The following CHD6 variants were observed in gnomAD, a reference collection of about 807,000 sequenced individuals.
CHD6 encodes the protein chromodomain helicase DNA binding protein 6, also known as ATP-dependent chromatin remodeler CHD6.
In CHD6, 50 loss-of-function variants were observed where a neutral mutation model predicts 276.9. That is an observed-to-expected ratio of 0.18 (90% CI 0.14 to 0.23). The LOEUF (loss-of-function observed/expected upper bound fraction) is 0.23, where lower values mean the gene tolerates loss of function less well. Among genes scored for constraint, CHD6 ranks in the 10% least tolerant of loss-of-function variants. CHD6 has a pLI of 1.00. For synonymous variants in CHD6, 1,173 were observed against 1,229.3 expected, an observed-to-expected ratio of 0.95 and a Z score of 0.96; for missense variants, 2,564 against 3,365.8, an observed-to-expected ratio of 0.76 and a Z score of 5.89.
intron 3 of CHD6, among the ~76,000 whole-genome samples, chr20:41,522,647 C>T (rs2044429977): frequency 6.6e-6 from 1 of 151,784 alleles, no homozygotes; most frequent in East Asian, 1.9e-4. Flanking sequence ...AACATGCGCG[C>T]ACGCGTGCGC....
chr20:41,432,155 C>T (rs1380164933), intron 27 of CHD6, among the ~76,000 whole-genome samples: 4 of 103,666 alleles, frequency 3.9e-5, no homozygotes, highest in Admixed American at 2.0e-4. Flanking sequence ...AGTAAAACTC[C>T]GTCTCAAAAA....
chr20:41,542,202 G>C (rs538774139), intron 2 of CHD6, among the ~76,000 whole-genome samples: 1 of 152,312 alleles, frequency 6.6e-6, no homozygotes, highest in Non-Finnish European at 1.5e-5. Context: ...GAATTATTTG[G>C]TGATATATTC....
chr20:41,417,221 A>G lies in CHD6; in HGVS notation c.6256T>C (p.Tyr2086His), dbSNP rs772777113. 6.2e-7 allele frequency: 1 copy of G among 1,614,034 alleles called. No homozygotes were observed. Among genetic ancestry groups the G allele is most frequent in the Admixed American group, 1.7e-5 (1 of 59,966 alleles). ...ACCTTTGGCCACTCAGAGAAGGAAT[A>G]GAGAGTTTTCTCCTGTAGCAGCTGA... is the stretch of plus-strand genomic sequence containing the variant. The part of the protein sequence containing the change: ...IAQLLQEKTL[Y>H]SFSEWPKDRV... Residue 2086 changes from tyrosine (Y) to histidine (H), a missense_variant, in exon 32 of 37, where the codon TAT becomes CAT. Tyr to His is a moderately conservative substitution (Grantham distance 83, BLOSUM62 2). Transcript: ENST00000373233.
chr20:41,425,521 T>C (rs1056169326), intron 28 of CHD6, 127 bp from the exon 29 acceptor site: 1 of 984,770 alleles, frequency 1.0e-6, no homozygotes. Flanking sequence ...ACTGTTTTAA[T>C]AATTGGCCCA....
chr20:41,454,547 G>T, intron 20 of CHD6, 79 bp downstream of exon 20: 1 of 1,086,664 alleles, frequency 9.2e-7, no homozygotes, highest in South Asian at 1.4e-5. Flanking sequence ...AGTAAATAAT[G>T]ACTTGAGCTG....
At chr20:41,552,722 T>C (rs2045165217) in intron 1 of CHD6, among the ~76,000 whole-genome samples, 1 of 152,208 alleles carries the variant, frequency 6.6e-6, no homozygotes, top group African/African-American at 2.4e-5. Flanking sequence ...AGGCATTTTC[T>C]ATTAAAAGAA....
intron 33 of CHD6, among the ~76,000 whole-genome samples, chr20:41,416,024 T>TA (rs1411169118): frequency 6.6e-6 from 1 of 152,190 alleles, no homozygotes; most frequent in African/African-American, 2.4e-5. Context: ...TCAGCATCGT[T>TA]AGCTTGTCAC....
chr20:41,493,906 A>G lies in CHD6; in HGVS notation c.1131T>C (p.Val377=), dbSNP rs1174047477. The part of the protein sequence containing the change: ...EDLFNPDYVE[V]DRILEVAHTK... ...TGTGGGCCACCTCCAAGATGCGATC[A>G]ACTTCTACATAGTCTGGATTGAACA... Residue 377 remains valine (V), a synonymous_variant, in exon 9 of 37, where the codon GTT becomes GTC. Coordinates refer to ENST00000373233, the MANE Select transcript of CHD6 (RefSeq NM_032221.5). 4 of 1,613,888 alleles carry G rather than the reference A, an allele frequency of 2.5e-6. No homozygotes were observed. In the African/African-American group the frequency reaches 5.3e-5, roughly 22 times the overall value.
rs79477232 is a variant in CHD6, at chr20:41,530,557, T to C, written c.554+2493A>G. Among the ~76,000 whole-genome samples the C allele has an allele frequency of 7.4e-3, 1,121 of 152,248 alleles. 13 individuals carry two copies. Among genetic ancestry groups the C allele is most frequent in the African/African-American group, 0.026 (1,077 of 41,542 alleles). On this transcript the variant is annotated intron_variant, in intron 3 of 36. Transcript: ENST00000373233. Reference sequence around the variant, plus strand: ...AATTACTAACATATGCATATATACATATGTGTGTGTATATATATACATGTA... The same window carrying C: ...AATTACTAACATATGCATATATACACATGTGTGTGTATATATATACATGTA...
At chr20:41,504,403 CTT>C (rs200549678) in intron 5 of CHD6, among the ~76,000 whole-genome samples, 70 of 109,960 alleles carry the variant, frequency 6.4e-4, no homozygotes, top group Admixed American at 1.1e-3. Context: ...CCTCTATTTT[CTT>C]TTTTTTTTTT....
chr20:41,512,112 C>T (rs1276580994), intron 5 of CHD6, among the ~76,000 whole-genome samples: 1 of 150,412 alleles, frequency 6.6e-6, no homozygotes, highest in Non-Finnish European at 1.5e-5. Context: ...GGATTACAGG[C>T]CTGCACCACC....
chr20:41,546,051 G>C (rs1462069596), intron 2 of CHD6, among the ~76,000 whole-genome samples: 2 of 152,088 alleles, frequency 1.3e-5, no homozygotes, highest in Non-Finnish European at 1.5e-5. Context: ...TTGTAACCAG[G>C]CTAGAAATTT....
intron 3 of CHD6, 141 bp downstream of exon 3, chr20:41,532,909 C>G (rs2044723882): frequency 5.4e-6 from 5 of 932,996 alleles, no homozygotes; most frequent in East Asian, 2.8e-5. Context: ...ACCCCTGCTC[C>G]CCATCCTATA....
intron 6 of CHD6, among the ~76,000 whole-genome samples, chr20:41,498,811 A>AAG (rs1555796112): frequency 1.2e-5 from 1 of 86,552 alleles, no homozygotes; most frequent in Non-Finnish European, 2.2e-5. Context: ...GTATGTATGT[A>AAG]TGTGTGTGTG....
chr20:41,532,425 C>T (rs1013483873), intron 3 of CHD6, among the ~76,000 whole-genome samples: 3 of 152,186 alleles, frequency 2.0e-5, no homozygotes, highest in East Asian at 1.9e-4. Flanking sequence ...CACTGATTCC[C>T]GTGACTGTGC....
intron 1 of CHD6, among the ~76,000 whole-genome samples, chr20:41,566,818 G>C (rs922466388): frequency 1.3e-5 from 2 of 152,160 alleles, no homozygotes; most frequent in South Asian, 4.1e-4. Context: ...AACTGCTGCT[G>C]ATCTCATCTG....
At chr20:41,441,657 T>G (rs371085899) in intron 25 of CHD6, among the ~76,000 whole-genome samples, 1 of 152,172 alleles carries the variant, frequency 6.6e-6, no homozygotes, top group Admixed American at 6.5e-5. Context: ...TGTGTGGATC[T>G]GAAGCCTAGA....
At chr20:41,511,134 A>G (rs1008531089) in intron 5 of CHD6, among the ~76,000 whole-genome samples, 1 of 152,244 alleles carries the variant, frequency 6.6e-6, no homozygotes, top group African/African-American at 2.4e-5. Flanking sequence ...TGAAAGAATA[A>G]GCGGAATTAT....
At chr20:41,438,110 C>T (rs1242901042) in intron 26 of CHD6, among the ~76,000 whole-genome samples, 3 of 152,174 alleles carry the variant, frequency 2.0e-5, no homozygotes, top group African/African-American at 7.2e-5. Context: ...GATGAATCTT[C>T]CCACAGAATC....
Sources: allele counts gnomAD v4.1 joint callset (sites outside exome capture counted in the v4.1 genomes callset), GRCh38; gene constraint gnomAD v4.1.1; transcripts MANE v1.5; gene names NCBI Gene and HGNC (gene_info 2026-07-23, HGNC 2026-07-21).